The following PDE4A variants were observed in gnomAD, a reference collection of about 807,000 sequenced individuals.
PDE4A encodes 3',5'-cyclic-AMP phosphodiesterase 4A.
A neutral mutation model predicts 73.9 loss-of-function variants in PDE4A; 21 were observed. The ratio of observed to expected loss-of-function variants is 0.28; its 90% CI spans 0.20 to 0.41. The LOEUF (loss-of-function observed/expected upper bound fraction) is 0.41. Ranked by LOEUF, PDE4A falls within the 10% of genes least tolerant of loss-of-function variation. The probability of loss-of-function intolerance (pLI) is 1.00; values close to 1 mark genes in which losing one functional copy is unlikely to be tolerated. For synonymous variants in PDE4A, 463 were observed against 505.4 expected (o/e 0.92, Z 1.13); for missense variants, 958 against 1,211.4 (o/e 0.79, Z 3.10).
At chr19:10,448,339 A>T (rs1478036470) in intron 2 of PDE4A, among the ~76,000 whole-genome samples, 1 of 151,816 alleles carries the variant, frequency 6.6e-6, no homozygotes, top group Non-Finnish European at 1.5e-5. Flanking sequence ...TAAAAGAAAA[A>T]ATAAATAAAT....
intron 1 of PDE4A, among the ~76,000 whole-genome samples, chr19:10,426,215 G>A (rs2042716267): frequency 2.0e-5 from 3 of 151,934 alleles, no homozygotes; most frequent in South Asian, 2.1e-4. Context: ...TCCTGGACTC[G>A]CTGTGTGACC....
rs1452582601 is a variant in PDE4A at position 10,467,617 on chromosome 19, C to T, written c.2657C>T (p.Thr886Ile). Reference protein sequence around the residue: ...PGGGGSGGDPT With the variant: ...PGGGGSGGDPI Reference sequence around the variant, plus strand: ...GGCGGGGGGTCAGGTGGAGACCCTACCTGATCCCCAGACCTCTGTCCCTGT... The same window carrying T: ...GGCGGGGGGTCAGGTGGAGACCCTATCTGATCCCCAGACCTCTGTCCCTGT... The change falls in exon 15 of 15, where the codon ACC (threonine) becomes ATC (isoleucine). Residue 886 changes from threonine (T) to isoleucine (I), a missense_variant. By Grantham distance (89) the Thr-to-Ile change is moderately conservative. Around this residue, in one of 3 missense-constraint regions of PDE4A, gnomAD observed 243 missense variants for 245.9 expected, o/e 0.99. Coordinates refer to ENST00000380702, the MANE Select transcript of PDE4A (RefSeq NM_001111307.2). The T allele has an allele frequency of 5.1e-6, 8 of 1,556,484 alleles. No individual in the cohort carries two copies. Among genetic ancestry groups the T allele is most frequent in the Non-Finnish European group, 7.0e-6 (8 of 1,149,352 alleles).
At position 10,467,228 on chromosome 19, in the gene PDE4A, G is replaced by A. The variant is rs775813936; in HGVS notation, c.2268G>A (p.Pro756=). ...LDATIAWEAS[P]AQESLEVMAQ... ...CAACCATAGCCTGGGAGGCATCCCC[G>A]GCCCAGGAGTCGTTGGAAGTTATGG... Residue 756 remains proline, a synonymous_variant, in exon 15 of 15, where the codon CCG becomes CCA. Transcript: ENST00000380702. The A allele has an allele frequency of 2.5e-5, 41 of 1,614,068 alleles. No individual in the cohort carries two copies. Among genetic ancestry groups the A allele is most frequent in the South Asian group, 7.7e-5 (7 of 91,088 alleles).
At chr19:10,433,691 C>G (rs759074226) in intron 1 of PDE4A, among the ~76,000 whole-genome samples, 6 of 152,210 alleles carry the variant, frequency 3.9e-5, no homozygotes, top group Non-Finnish European at 8.8e-5. Context: ...ACTCAGCCCC[C>G]CAAAGAGCTG....
At chr19:10,420,517 A>ACGCGGTG (rs2042634941), upstream of PDE4A, 2 of 1,047,788 alleles carry the variant, frequency 1.9e-6, no homozygotes, top group Non-Finnish European at 1.2e-6. This position sits in a 1 kb window ranked among gnomAD's most constrained non-coding sequence, Gnocchi z 6.0. Flanking sequence ...GGGCCGCGGA[A>ACGCGGTG]CGCGGAGCGC....
intron 2 of PDE4A, 91 bp downstream of exon 2, chr19:10,446,500 C>T (rs2043007050): frequency 2.7e-6 from 4 of 1,475,766 alleles, no homozygotes; most frequent in Non-Finnish European, 3.6e-6. Context: ...GGCACCCACC[C>T]CTATCCTCCT....
chr19:10,449,243 G>C (rs2043056421), intron 4 of PDE4A, 93 bp downstream of exon 4: 11 of 1,388,174 alleles, frequency 7.9e-6, no homozygotes, highest in Non-Finnish European at 1.1e-5. Flanking sequence ...CTGGCAGGCA[G>C]GTGACCTCTC....
intron 1 of PDE4A, among the ~76,000 whole-genome samples, chr19:10,423,566 G>T (rs1379495376): frequency 6.6e-6 from 1 of 152,156 alleles, no homozygotes; most frequent in Non-Finnish European, 1.5e-5. Context: ...TAAGTGTCTT[G>T]CCCTCTCTGA....
intron 7 of PDE4A, 59 bp downstream of exon 7, chr19:10,454,981 G>A (rs1489443247): frequency 2.0e-6 from 3 of 1,528,386 alleles, no homozygotes; most frequent in Non-Finnish European, 2.7e-6. Flanking sequence ...AGAGGGGGCT[G>A]CCCCTGACCG....
intron 1 of PDE4A, chr19:10,431,105 GC>G (rs1385641088): frequency 6.7e-7 from 1 of 1,482,570 alleles, no homozygotes; most frequent in Non-Finnish European, 8.9e-7. Flanking sequence ...AGCGCTGGTG[GC>G]CGTGGGTTCA....
chr19:10,449,276 C>G, intron 4 of PDE4A, 126 bp downstream of exon 4: 2 of 993,330 alleles, frequency 2.0e-6, no homozygotes, highest in South Asian at 2.9e-5. Flanking sequence ...CAGACAACAG[C>G]TCCCAGAAAG....
chr19:10,418,678 T>G (rs1272146646), upstream of PDE4A: 1 of 802,520 alleles, frequency 1.2e-6, no homozygotes, highest in South Asian at 5.7e-5. Flanking sequence ...ATCCCCCAGC[T>G]CAGGCCACCG....
At chr19:10,459,895 T>C (rs1412451930) in intron 10 of PDE4A, 136 bp downstream of exon 10, 1 of 1,114,372 alleles carries the variant, frequency 9.0e-7, no homozygotes, top group African/African-American at 1.6e-5. Flanking sequence ...TTTTTTTTCT[T>C]TTTGAGACGG....
chr19:10,456,046 T>G lies in PDE4A; in HGVS notation c.877+1124T>G, dbSNP rs565941541. Among the ~76,000 whole-genome samples the G allele has an allele frequency of 4.8e-5, 7 of 146,202 alleles. No homozygotes were observed. In the South Asian group the frequency reaches 1.6e-3, roughly 33 times the overall value. Reference sequence around the variant, plus strand: ...TTGGTATGACCCCCCCCCAATTCAGTAGACTCCCAAAATGTTAGAACCCTA... The same window carrying G: ...TTGGTATGACCCCCCCCCAATTCAGGAGACTCCCAAAATGTTAGAACCCTA... On this transcript the variant is annotated intron_variant, in intron 7 of 14. Transcript: ENST00000380702.
Position 10,446,491 on chromosome 19 carries a change from G to A in PDE4A, c.512+82G>A, listed in dbSNP as rs182302292. The A allele has an allele frequency of 3.0e-4, 453 of 1,511,964 alleles. 1 individual carries two copies. In the African/African-American group the frequency reaches 5.6e-3, roughly 19 times the overall value. 93.7% of individuals were successfully genotyped at this position (1,511,964 alleles called of 1,614,324 possible). On this transcript the variant is annotated intron_variant, in intron 2 of 14. Coordinates refer to ENST00000380702, the MANE Select transcript of PDE4A (RefSeq NM_001111307.2). ...GCCCTTCCCAGCAGGGAGTCGGGGG[G>A]CACCCACCCCTATCCTCCTCAGCAC...
chr19:10,450,566 A>G, intron 4 of PDE4A, 37 bp from the exon 5 acceptor site: 2 of 1,567,626 alleles, frequency 1.3e-6, no homozygotes, highest in Non-Finnish European at 1.7e-6. Context: ...GGGGGGACCC[A>G]GGCTGACATT....
chr19:10,441,265 AC>A (rs2042933814), intron 1 of PDE4A, among the ~76,000 whole-genome samples: 1 of 152,102 alleles, frequency 6.6e-6, no homozygotes, highest in Admixed American at 6.6e-5. Flanking sequence ...AGTAGCTGGG[AC>A]TATAGGTGCA....
At chr19:10,443,041 T>C (rs1240780523) in intron 1 of PDE4A, among the ~76,000 whole-genome samples, 1 of 152,018 alleles carries the variant, frequency 6.6e-6, no homozygotes, top group Non-Finnish European at 1.5e-5. Context: ...TATCTGGGTG[T>C]GGTGGCACGT....
At chr19:10,445,817 C>T (rs2042995491) in intron 1 of PDE4A, among the ~76,000 whole-genome samples, 1 of 150,428 alleles carries the variant, frequency 6.6e-6, no homozygotes, top group Non-Finnish European at 1.5e-5. Flanking sequence ...GCCAGGAATT[C>T]CCTTAGGCTC....
Sources: allele counts gnomAD v4.1 joint callset (sites outside exome capture counted in the v4.1 genomes callset), GRCh38; gene constraint gnomAD v4.1.1; regional missense constraint gnomAD v4.1.1; non-coding constraint Gnocchi (gnomAD v3.1); transcripts MANE v1.5; gene names NCBI Gene and HGNC (gene_info 2026-07-23, HGNC 2026-07-21).